RGS5: variants seen among roughly 807,000 people sequenced by gnomAD.
RGS5 encodes the protein regulator of G protein signaling 5, also known as regulator of G-protein signalling 5.
Under a neutral mutation model 18.9 loss-of-function variants are expected in RGS5, and 20 were observed. That is an observed-to-expected ratio of 1.06 (90% CI 0.74 to 1.54). RGS5 has a LOEUF of 1.54. Ranked by LOEUF, RGS5 falls within the 40% of genes most tolerant of loss-of-function variation. The probability of loss-of-function intolerance (pLI) is 0.00; values close to 1 mark genes in which losing one functional copy is unlikely to be tolerated. For synonymous variants in RGS5, 57 were observed against 76.2 expected, an observed-to-expected ratio of 0.75 and a Z score of 1.31; for missense variants, 201 against 211.8, an observed-to-expected ratio of 0.95 and a Z score of 0.32.
intron 3 of RGS5, among the ~76,000 whole-genome samples, chr1:163,156,148 C>A (rs1211496786): frequency 1.3e-5 from 2 of 152,166 alleles, no homozygotes; most frequent in Non-Finnish European, 2.9e-5. Context: ...AGTTGATAAG[C>A]ACCATTTCTA....
intron 1 of RGS5, among the ~76,000 whole-genome samples, chr1:163,184,482 G>A (rs543190852): frequency 6.6e-6 from 1 of 151,840 alleles, no homozygotes; most frequent in East Asian, 1.9e-4. Context: ...GCAAGGCATA[G>A]ACACAGAAAT....
At chr1:163,315,065 T>C (rs1253953528) in intron 1 of RGS5, among the ~76,000 whole-genome samples, 1 of 152,198 alleles carries the variant, frequency 6.6e-6, no homozygotes, top group Non-Finnish European at 1.5e-5. Context: ...GGGTGACAGA[T>C]GTACTAATAT....
At chr1:163,177,799 T>A (rs1658622436) in intron 1 of RGS5, among the ~76,000 whole-genome samples, 1 of 152,228 alleles carries the variant, frequency 6.6e-6, no homozygotes, top group Admixed American at 6.5e-5. Context: ...TTCCTCCACA[T>A]GTAATTTTTC....
At chr1:163,260,056 C>A (rs1034400944) in intron 2 of RGS5, 1 of 152,204 alleles carries the variant, frequency 6.6e-6, no homozygotes, top group Non-Finnish European at 1.5e-5. Flanking sequence ...CAATGATAAT[C>A]CATATAAATC....
In RGS5 at chr1:163,228,447, G is replaced by C. The variant is rs575886793; in HGVS notation, c.-280-60079C>G. On this transcript the variant is annotated intron_variant, in intron 2 of 5. Coordinates refer to the RGS5 transcript ENST00000618415. ...CTATGGTTGGAGTGGCTGGGATGCA[G>C]GGCACCAAGTCCCAAGGCTGCACAC... 3.3e-5 allele frequency among the ~76,000 whole-genome samples: 5 copies of C among 152,352 alleles called. No homozygotes were observed. The South Asian group carries it at 1.0e-3, about 32-fold the overall frequency.
At chr1:163,271,918 T>G (rs1048794156) in intron 2 of RGS5, among the ~76,000 whole-genome samples, 4 of 152,174 alleles carry the variant, frequency 2.6e-5, no homozygotes, top group Non-Finnish European at 5.9e-5. Flanking sequence ...CAGCAATGAA[T>G]GAGAGTTCCA....
rs1657086663 is a variant in RGS5 at position 163,145,285 on chromosome 1, C to G, written c.*2057G>C. The stretch of plus-strand genomic sequence containing the variant: ...TATTGCAAATAATGTGAATAAAATA[C>G]TTGAATTTTAAATAATTAAATTGTT... On this transcript the variant is annotated 3_prime_UTR_variant, in exon 5 of 5. Transcript: ENST00000313961. 1 of 152,060 alleles carries G rather than the reference C, an allele frequency of 6.6e-6. No homozygotes were observed. Among genetic ancestry groups the G allele is most frequent in the African/African-American group, 2.4e-5 (1 of 41,398 alleles). 9.4% of individuals were successfully genotyped at this position (152,060 alleles called of 1,614,324 possible). A position where few individuals can be genotyped will look rare whatever the true frequency, so the allele number is the denominator to read the frequency against.
At chr1:163,250,118 A>G (rs1648068218) in intron 2 of RGS5, among the ~76,000 whole-genome samples, 3 of 152,194 alleles carry the variant, frequency 2.0e-5, no homozygotes, top group Admixed American at 1.3e-4. Context: ...GAAGATGACC[A>G]TTGGGTTCTC....
At chr1:163,188,652 C>T (rs1385871682) in intron 1 of RGS5, among the ~76,000 whole-genome samples, 4 of 152,084 alleles carry the variant, frequency 2.6e-5, no homozygotes, top group Admixed American at 6.5e-5. Flanking sequence ...AAGAGGCAAC[C>T]TGGCGAACTA....
At chr1:163,208,135 C>G (rs1348046475) in intron 1 of RGS5, among the ~76,000 whole-genome samples, 4 of 151,650 alleles carry the variant, frequency 2.6e-5, no homozygotes, top group Non-Finnish European at 4.4e-5. Flanking sequence ...TCTACAAAAA[C>G]AGTTTTTAAG....
chr1:163,283,415 T>C (rs1649049505), intron 2 of RGS5, among the ~76,000 whole-genome samples: 1 of 152,210 alleles, frequency 6.6e-6, no homozygotes, highest in African/African-American at 2.4e-5. Context: ...CATGACTATG[T>C]ACAATTATGT....
At chr1:163,188,681 T>C (rs1239925571) in intron 1 of RGS5, among the ~76,000 whole-genome samples, 1 of 152,098 alleles carries the variant, frequency 6.6e-6, no homozygotes, top group Non-Finnish European at 1.5e-5. Context: ...TTACTGTGGC[T>C]GGGCGTAGTG....
chr1:163,208,168 G>A (rs1362471225), intron 1 of RGS5, among the ~76,000 whole-genome samples: 1 of 151,610 alleles, frequency 6.6e-6, no homozygotes, highest in African/African-American at 2.4e-5. Context: ...GCAACACGGT[G>A]AAACCCCGTC....
chr1:163,227,820 A>C (rs1647372479), intron 2 of RGS5, among the ~76,000 whole-genome samples: 1 of 152,216 alleles, frequency 6.6e-6, no homozygotes, highest in South Asian at 2.1e-4. Context: ...AAATGGGAGA[A>C]ATAGGCCAAA....
At chr1:163,237,610 A>AGGAGGT (rs925225376) in intron 2 of RGS5, 4 of 152,164 alleles carry the variant, frequency 2.6e-5, no homozygotes, top group Admixed American at 2.0e-4. Context: ...ACTTGAGCCC[A>AGGAGGT]GGAGGTGGAG....
upstream of RGS5, among the ~76,000 whole-genome samples, chr1:163,204,070 G>A (rs933606288): frequency 6.6e-6 from 1 of 152,008 alleles, no homozygotes; most frequent in African/African-American, 2.4e-5. Context: ...ACCCTTTTTA[G>A]GCAATGGTTG....
intron 2 of RGS5, among the ~76,000 whole-genome samples, chr1:163,287,937 C>T (rs1175484179): frequency 2.0e-5 from 3 of 152,150 alleles, no homozygotes; most frequent in East Asian, 3.8e-4. Flanking sequence ...GCACTGCATT[C>T]CCTGAAGGGA....
At chr1:163,230,596 T>C (rs1485454060) in intron 2 of RGS5, among the ~76,000 whole-genome samples, 1 of 152,222 alleles carries the variant, frequency 6.6e-6, no homozygotes, top group African/African-American at 2.4e-5. Context: ...ATGCCTTTCT[T>C]GTAGTACTTT....
At chr1:163,262,099 G>A (rs1401847536) in intron 2 of RGS5, among the ~76,000 whole-genome samples, 1 of 150,716 alleles carries the variant, frequency 6.6e-6, no homozygotes. Context: ...TACTGGAATT[G>A]AGAAGCCAGT....
Sources: allele counts gnomAD v4.1 joint callset (sites outside exome capture counted in the v4.1 genomes callset), GRCh38; gene constraint gnomAD v4.1.1; transcripts MANE v1.5; gene names NCBI Gene and HGNC (gene_info 2026-07-23, HGNC 2026-07-21).